Variants in FSTL4 observed in about 807,000 individuals in gnomAD.
The protein encoded by FSTL4 is follistatin-related protein 4.
Under a neutral mutation model 78.2 loss-of-function variants are expected in FSTL4, and 28 were observed. That is an observed-to-expected ratio of 0.36 (90% CI 0.27 to 0.49). The LOEUF (loss-of-function observed/expected upper bound fraction) is 0.49, where lower values mean the gene tolerates loss of function less well. Among genes scored for constraint, FSTL4 ranks in the 20% least tolerant of loss-of-function variants. FSTL4 has a pLI of 0.98. For synonymous variants in FSTL4, 422 were observed against 440.5 expected (o/e 0.96, Z 0.53); for missense variants, 922 against 1,084.9 (o/e 0.85, Z 2.11).
At chr5:133,547,349 T>A (rs755750299) in intron 3 of FSTL4, among the ~76,000 whole-genome samples, 2 of 151,592 alleles carry the variant, frequency 1.3e-5, no homozygotes, top group African/African-American at 4.8e-5. Flanking sequence ...GGTAAGACTT[T>A]GGATTTTTGA....
chr5:133,788,979 A>AC, the FSTL4 span, among the ~76,000 whole-genome samples: 1 of 152,268 alleles, frequency 6.6e-6, no homozygotes, highest in African/African-American at 2.4e-5. Context: ...GGCTGATTGC[A>AC]CTGGGCACCC....
chr5:133,564,705 AG>A (rs140920638), intron 3 of FSTL4, among the ~76,000 whole-genome samples: 10,561 of 152,244 alleles, frequency 0.069, 483 homozygotes, highest in Non-Finnish European at 0.097. Flanking sequence ...ATGAGGGACA[AG>A]GCATGCAGGA....
intron 13 of FSTL4, among the ~76,000 whole-genome samples, chr5:133,216,481 T>C (rs912628254): frequency 1.3e-5 from 2 of 150,442 alleles, no homozygotes; most frequent in Non-Finnish European, 2.9e-5. Context: ...CCTGAGTAGC[T>C]GGGATTACAG....
chr5:133,442,274 G>A (rs1757175240), intron 3 of FSTL4, among the ~76,000 whole-genome samples: 3 of 152,196 alleles, frequency 2.0e-5, no homozygotes, highest in Admixed American at 1.3e-4. Context: ...TAGGTTACAC[G>A]AAGAGACAAC....
At chr5:133,447,892 C>G (rs1337490827) in intron 3 of FSTL4, among the ~76,000 whole-genome samples, 1 of 152,158 alleles carries the variant, frequency 6.6e-6, no homozygotes, top group Non-Finnish European at 1.5e-5. Context: ...ATAATCCCAC[C>G]ATTCTGATGG....
At chr5:133,446,959 A>G (rs1338509026) in intron 3 of FSTL4, among the ~76,000 whole-genome samples, 1 of 152,112 alleles carries the variant, frequency 6.6e-6, no homozygotes, top group Non-Finnish European at 1.5e-5. Flanking sequence ...TCAGACCACA[A>G]GTGGCTCCTG....
chr5:133,303,215 G>T (rs1311307586), intron 6 of FSTL4, among the ~76,000 whole-genome samples: 2 of 152,234 alleles, frequency 1.3e-5, no homozygotes. Flanking sequence ...CAGAGTGAGG[G>T]TGTGGGGAAT....
intron 3 of FSTL4, among the ~76,000 whole-genome samples, chr5:133,533,713 C>A (rs1242557073): frequency 6.6e-6 from 1 of 152,192 alleles, no homozygotes; most frequent in Admixed American, 6.5e-5. Flanking sequence ...TCATCAGCAA[C>A]CTCATCCCAC....
chr5:133,676,003 C>T, the FSTL4 span, among the ~76,000 whole-genome samples: 3 of 152,110 alleles, frequency 2.0e-5, no homozygotes, highest in Non-Finnish European at 2.9e-5. Context: ...AGACACAGGC[C>T]CTCCCCACCC....
At chr5:133,752,968 C>T in the FSTL4 span, among the ~76,000 whole-genome samples, 1 of 152,294 alleles carries the variant, frequency 6.6e-6, no homozygotes, top group Middle Eastern at 3.4e-3. Flanking sequence ...AAAACAAGAC[C>T]TCTTTGTGAT....
At chr5:133,565,926 T>C (rs1580793168) in intron 3 of FSTL4, among the ~76,000 whole-genome samples, 1 of 152,212 alleles carries the variant, frequency 6.6e-6, no homozygotes, top group African/African-American at 2.4e-5. Context: ...CTTATGGCTA[T>C]TTCTTTCCAA....
intron 3 of FSTL4, among the ~76,000 whole-genome samples, chr5:133,415,956 T>C (rs1014370306): frequency 2.4e-4 from 36 of 152,194 alleles, no homozygotes; most frequent in African/African-American, 7.7e-4. Context: ...TATGTATACA[T>C]AGGTCCTTAC....
intron 6 of FSTL4, among the ~76,000 whole-genome samples, chr5:133,250,769 C>T (rs988739608): frequency 2.6e-5 from 4 of 152,216 alleles, no homozygotes; most frequent in African/African-American, 7.2e-5. Context: ...GAAACAGGGT[C>T]CTGAGGTCAG....
intron 2 of FSTL4, among the ~76,000 whole-genome samples, chr5:133,581,435 G>A (rs943089618): frequency 6.6e-6 from 1 of 152,244 alleles, no homozygotes; most frequent in African/African-American, 2.4e-5. Context: ...GAATGAGGGA[G>A]CATGCAGACG....
the FSTL4 span, among the ~76,000 whole-genome samples, chr5:133,692,147 G>A: frequency 2.6e-5 from 4 of 152,212 alleles, no homozygotes; most frequent in Non-Finnish European, 5.9e-5. Context: ...GGAAGGAAGG[G>A]TAGGAGTCTG....
the FSTL4 span, among the ~76,000 whole-genome samples, chr5:133,740,940 GA>G: frequency 7.1e-6 from 1 of 140,894 alleles, no homozygotes; most frequent in Non-Finnish European, 1.5e-5. Flanking sequence ...CCTCTGGATG[GA>G]TGGATGGATG....
chr5:133,204,668 C>T (rs553096142), intron 14 of FSTL4, among the ~76,000 whole-genome samples: 1 of 151,962 alleles, frequency 6.6e-6, no homozygotes, highest in Admixed American at 6.6e-5. Context: ...CCCATCTCTA[C>T]AAAAAATACA....
At chr5:133,713,223 C>T in the FSTL4 span, among the ~76,000 whole-genome samples, 2 of 152,012 alleles carry the variant, frequency 1.3e-5, no homozygotes, top group Non-Finnish European at 2.9e-5. Context: ...ATTTTAAAAT[C>T]TATGTGATAA....
At chr5:133,571,847 T>A (rs564755061) in intron 2 of FSTL4, among the ~76,000 whole-genome samples, 173 of 151,650 alleles carry the variant, frequency 1.1e-3, no homozygotes, top group African/African-American at 3.9e-3. Flanking sequence ...ACACAGAAGA[T>A]CTGAAAGGAA....
Sources: gnomAD v4.1 joint callset for allele counts (sites outside exome capture counted in the v4.1 genomes callset) on GRCh38, gnomAD v4.1.1 for gene constraint, MANE v1.5 for transcripts, NCBI Gene and HGNC (gene_info 2026-07-23, HGNC 2026-07-21) for gene names.